Variants in TJP1 observed in about 807,000 individuals in gnomAD.
TJP1 encodes the protein tight junction protein ZO-1.
Under a neutral mutation model 194.2 loss-of-function variants are expected in TJP1, and 43 were observed. That is an observed-to-expected ratio of 0.22 (90% confidence interval 0.17 to 0.29). The LOEUF (loss-of-function observed/expected upper bound fraction) is 0.29, where lower values mean the gene tolerates loss of function less well. Among genes scored for constraint, TJP1 ranks in the 10% least tolerant of loss-of-function variants. The probability of loss-of-function intolerance (pLI) is 1.00; values close to 1 mark genes in which losing one functional copy is unlikely to be tolerated. For missense variants in TJP1, 1,971 were observed against 2,185.7 expected, an observed-to-expected ratio of 0.90 and a Z score of 1.96; for synonymous variants, 801 against 779.0, an observed-to-expected ratio of 1.03 and a Z score of -0.47.
intron 20 of TJP1, 84 bp from the exon 21 acceptor site, chr15:29,719,222 AC>A: frequency 2.9e-6 from 4 of 1,357,364 alleles, no homozygotes; most frequent in East Asian, 2.3e-5. Context: ...ATATTAAACT[AC>A]GATTTAATAT....
chr15:29,853,198 T>G (rs1441683979), intron 2 of TJP1, among the ~76,000 whole-genome samples: 1 of 152,158 alleles, frequency 6.6e-6, no homozygotes, highest in African/African-American at 2.4e-5. Flanking sequence ...CATTTTAAAG[T>G]GATAACATTT....
intron 2 of TJP1, among the ~76,000 whole-genome samples, chr15:29,942,693 G>A (rs188037507): frequency 6.6e-5 from 10 of 152,292 alleles, no homozygotes; most frequent in Admixed American, 1.3e-4. Context: ...ACAGCGGTGC[G>A]TACCTCCGCA....
chr15:29,814,177 A>G (rs1333509654), intron 1 of TJP1, among the ~76,000 whole-genome samples: 1 of 152,236 alleles, frequency 6.6e-6, no homozygotes, highest in Non-Finnish European at 1.5e-5. Context: ...CAGCAAGCCC[A>G]GGTTTAGAAA....
chr15:29,822,417 CAAGGAACGCGGCGTCCGCT>C lies in TJP1; in HGVS notation c.-408_-390del. On this transcript the variant is annotated 5_prime_UTR_variant, in exon 1 of 28. Transcript: ENST00000614355. ...TAACTTCCCGGGAACCGGCGGCCGCCAAGGAACGCGGCGTCCGCTGGCTCAGCCGGCGCCGGCAACTCAG... is the reference window on the plus strand; with the variant it reads ...TAACTTCCCGGGAACCGGCGGCCGCCGGCTCAGCCGGCGCCGGCAACTCAG... 1 of 992,808 alleles carries C rather than the reference CAAGGAACGCGGCGTCCGCT, an allele frequency of 1.0e-6. No homozygotes were observed. 61.5% of individuals were successfully genotyped at this position (992,808 alleles called of 1,614,324 possible).
chr15:29,740,892 T>C lies in TJP1; in HGVS notation c.1256+439A>G, dbSNP rs1323638609. ...ATTGTCACAACTAGGGGACTGCTACTGGCATCTAGTGGCCAGGATTGCTGC... is the reference window on the plus strand; with the variant it reads ...ATTGTCACAACTAGGGGACTGCTACCGGCATCTAGTGGCCAGGATTGCTGC... On this transcript the variant is annotated intron_variant, in intron 10 of 27. Coordinates refer to ENST00000614355, the MANE Select transcript of TJP1 (RefSeq NM_001330239.4). 3 of 156,290 alleles carry C rather than the reference T, an allele frequency of 1.9e-5. No individual in the cohort carries two copies. In the Admixed American group the frequency reaches 2.0e-4, roughly 10 times the overall value. 9.7% of individuals were successfully genotyped at this position (156,290 alleles called of 1,614,324 possible). A position where few individuals can be genotyped will look rare whatever the true frequency, so the allele number is the denominator to read the frequency against.
At chr15:29,962,044 T>C (rs914861022) in intron 1 of TJP1, among the ~76,000 whole-genome samples, 1 of 152,238 alleles carries the variant, frequency 6.6e-6, no homozygotes, top group Admixed American at 6.5e-5. Flanking sequence ...TTGGGCGCTC[T>C]GCTGGCTACA....
chr15:29,777,692 A>G (rs1261390577), intron 2 of TJP1, among the ~76,000 whole-genome samples: 2 of 116,602 alleles, frequency 1.7e-5, no homozygotes, highest in African/African-American at 6.3e-5. Context: ...ATTTGGCAGT[A>G]ACCTAACAAA....
At chr15:29,828,522 G>T (rs935223108) in intron 2 of TJP1, among the ~76,000 whole-genome samples, 2 of 151,892 alleles carry the variant, frequency 1.3e-5, no homozygotes, top group Non-Finnish European at 2.9e-5. Flanking sequence ...CACTGATACT[G>T]CCAAATTGCC....
intron 1 of TJP1, among the ~76,000 whole-genome samples, chr15:29,957,742 CA>C: frequency 6.6e-6 from 1 of 152,278 alleles, no homozygotes; most frequent in South Asian, 2.1e-4. Flanking sequence ...TCTTTGGGTA[CA>C]AATGCATTAT....
At chr15:29,915,386 C>A (rs1313246456) in intron 2 of TJP1, among the ~76,000 whole-genome samples, 4 of 152,118 alleles carry the variant, frequency 2.6e-5, no homozygotes, top group African/African-American at 7.2e-5. Flanking sequence ...TAATGATTCC[C>A]CAATTCCTCT....
intron 2 of TJP1, among the ~76,000 whole-genome samples, chr15:29,841,951 G>A (rs1303483327): frequency 6.6e-6 from 1 of 152,152 alleles, no homozygotes; most frequent in African/African-American, 2.4e-5. Flanking sequence ...ATTCCCATAA[G>A]TAGGAACATT....
intron 2 of TJP1, among the ~76,000 whole-genome samples, chr15:29,897,556 C>T (rs938232157): frequency 6.6e-6 from 1 of 152,168 alleles, no homozygotes; most frequent in Non-Finnish European, 1.5e-5. Context: ...CTCCAGACCC[C>T]AGAATGGTAG....
intron 1 of TJP1, 117 bp downstream of exon 1, chr15:29,821,885 C>A (rs956743470): frequency 3.2e-5 from 32 of 992,518 alleles, no homozygotes; most frequent in African/African-American, 3.2e-4. Flanking sequence ...CTGCCCACCC[C>A]GCCGCCCCGG....
chr15:29,732,329 T>TC, intron 15 of TJP1, 104 bp downstream of exon 15: 2 of 1,018,318 alleles, frequency 2.0e-6, no homozygotes, highest in East Asian at 4.8e-5. Flanking sequence ...TGCTAATTTT[T>TC]CACTGACAAA....
chr15:29,711,591 C>T (rs1407648344), intron 23 of TJP1, among the ~76,000 whole-genome samples: 1 of 152,148 alleles, frequency 6.6e-6, no homozygotes, highest in Non-Finnish European at 1.5e-5. Flanking sequence ...GTCTTGAACT[C>T]CTGACCTCAA....
At chr15:29,724,104 T>C (rs754403812) in intron 18 of TJP1, among the ~76,000 whole-genome samples, 2 of 152,236 alleles carry the variant, frequency 1.3e-5, no homozygotes, top group South Asian at 2.1e-4. Context: ...GCCAGAAGCA[T>C]GGTCTTGGGA....
At chr15:29,850,964 G>A (rs958777916) in intron 2 of TJP1, among the ~76,000 whole-genome samples, 9 of 151,984 alleles carry the variant, frequency 5.9e-5, no homozygotes, top group South Asian at 4.2e-4. Context: ...ATGGTGAAAC[G>A]CTGTCTCTAC....
At chr15:29,842,972 G>A (rs1396235814) in intron 2 of TJP1, among the ~76,000 whole-genome samples, 1 of 152,006 alleles carries the variant, frequency 6.6e-6, no homozygotes, top group Non-Finnish European at 1.5e-5. Context: ...AATAAAAATG[G>A]GATAATCACT....
chr15:29,894,917 G>A (rs1462190610), intron 2 of TJP1, among the ~76,000 whole-genome samples: 1 of 152,334 alleles, frequency 6.6e-6, no homozygotes, highest in East Asian at 1.9e-4. Flanking sequence ...CAAACCTGGG[G>A]TAGCTGAGGA....
Sources: allele counts gnomAD v4.1 joint callset (sites outside exome capture counted in the v4.1 genomes callset), GRCh38; gene constraint gnomAD v4.1.1; transcripts MANE v1.5; gene names NCBI Gene and HGNC (gene_info 2026-07-23, HGNC 2026-07-21).